MARK2: variants seen among roughly 807,000 people sequenced by gnomAD.
MARK2 encodes the protein microtubule affinity regulating kinase 2.
MARK2 carries 16 observed loss-of-function variants against 89.8 expected under a neutral mutation model. That is an observed-to-expected ratio of 0.18 (90% CI 0.12 to 0.27). The LOEUF (loss-of-function observed/expected upper bound fraction) is 0.27, where lower values mean the gene tolerates loss of function less well. Among genes scored for constraint, MARK2 ranks in the 10% least tolerant of loss-of-function variants. MARK2 has a pLI of 1.00. For synonymous variants in MARK2, 382 were observed against 399.5 expected (o/e 0.96, Z 0.52); for missense variants, 621 against 1,049.9 (o/e 0.59, Z 5.65).
chr11:63,861,374 G>T (rs1158124262), intron 1 of MARK2, among the ~76,000 whole-genome samples: 1 of 152,134 alleles, frequency 6.6e-6, no homozygotes, highest in Non-Finnish European at 1.5e-5. Context: ...GGTGGAGGTT[G>T]CAGTGAGCTG....
chr11:63,885,428 A>G (rs921390157), intron 1 of MARK2, among the ~76,000 whole-genome samples: 4 of 151,976 alleles, frequency 2.6e-5, no homozygotes, highest in Admixed American at 1.3e-4. Context: ...AGTTGCAGCT[A>G]TTCGGGAGGC....
Position 63,839,145 on chromosome 11 carries a change from C to T in MARK2, c.-362C>T, listed in dbSNP as rs934628827. 8 of 194,902 alleles carry T rather than the reference C, an allele frequency of 4.1e-5. No individual in the cohort carries two copies. The highest frequency in any genetic ancestry group is 7.2e-5 in the Non-Finnish European group (7 of 97,362). The allele number at this position is 194,902 out of a possible 1,614,324, so 12.1% of individuals were successfully genotyped here. ...GCGGCCATGTTGGGAGCAGCAGGTCCGGCGGCGGCTGCCTGTGTGCCGGGC... is the reference window on the plus strand; with the variant it reads ...GCGGCCATGTTGGGAGCAGCAGGTCTGGCGGCGGCTGCCTGTGTGCCGGGC... On this transcript the variant is annotated 5_prime_UTR_variant, in exon 1 of 19. Coordinates refer to ENST00000402010, the MANE Select transcript of MARK2 (RefSeq NM_001039469.3).
At position 63,849,251 on chromosome 11, in the gene MARK2, T is replaced by C. The variant is rs1449689162; in HGVS notation, c.54+9691T>C. 2.0e-5 allele frequency among the ~76,000 whole-genome samples: 3 copies of C among 152,190 alleles called. No homozygotes were observed. The South Asian group carries it at 6.2e-4, about 32-fold the overall frequency. On this transcript the variant is annotated intron_variant, in intron 1 of 18. Coordinates refer to ENST00000402010, the MANE Select transcript of MARK2 (RefSeq NM_001039469.3). The stretch of plus-strand genomic sequence containing the variant: ...TCATTGGCTATCTTTGCAAGTAGTA[T>C]TGAAGCCACTCGGAGATTGTTGCTT...
Position 63,903,486 on chromosome 11 carries a change from A to T in MARK2, c.1514+328A>T. On this transcript the variant is annotated intron_variant, in intron 14 of 18. Coordinates refer to ENST00000402010, the MANE Select transcript of MARK2 (RefSeq NM_001039469.3). This position sits in a 1 kb window ranked among gnomAD's most constrained non-coding sequence, Gnocchi z 5.1. ...GCTAAGGCCTTGTGTTGGGGGTCCC[A>T]GCTCAGGGCAGAACCAAGAGATGCC... 2.6e-6 allele frequency: 1 copy of T among 387,302 alleles called. No homozygotes were observed. Among genetic ancestry groups the T allele is most frequent in the Non-Finnish European group, 4.8e-6 (1 of 206,342 alleles). 24.0% of individuals were successfully genotyped at this position (387,302 alleles called of 1,614,324 possible). A position where few individuals can be genotyped will look rare whatever the true frequency, so the allele number is the denominator to read the frequency against.
Position 63,839,233 on chromosome 11 carries a change from A to G in MARK2, c.-274A>G, listed in dbSNP as rs2135179085. ...CAGGCGGCCGGCTGCGGCGGCAGAG[A>G]GTAGGCGGAGCGGCGCGGCCCGGCC... On this transcript the variant is annotated 5_prime_UTR_variant, in exon 1 of 19. Coordinates refer to ENST00000402010, the MANE Select transcript of MARK2 (RefSeq NM_001039469.3). 1 of 236,916 alleles carries G rather than the reference A, an allele frequency of 4.2e-6. No individual in the cohort carries two copies. Among genetic ancestry groups the G allele is most frequent in the East Asian group, 9.9e-5 (1 of 10,098 alleles). The allele number at this position is 236,916 out of a possible 1,614,324, so 14.7% of individuals were successfully genotyped here.
At chr11:63,873,539 G>A (rs1449837711) in intron 1 of MARK2, among the ~76,000 whole-genome samples, 1 of 152,150 alleles carries the variant, frequency 6.6e-6, no homozygotes, top group Non-Finnish European at 1.5e-5. Context: ...ACAGCCAGCT[G>A]TGGGAAAACC....
At chr11:63,872,058 G>A (rs938865714) in intron 1 of MARK2, among the ~76,000 whole-genome samples, 1 of 152,226 alleles carries the variant, frequency 6.6e-6, no homozygotes, top group Non-Finnish European at 1.5e-5. Context: ...GCCACCGGAG[G>A]TTCTGCAGGC....
chr11:63,845,730 G>C (rs1040419695), intron 1 of MARK2, among the ~76,000 whole-genome samples: 1 of 152,156 alleles, frequency 6.6e-6, no homozygotes, highest in South Asian at 2.1e-4. Context: ...GTCATTGCTC[G>C]TCTTTTTTTT....
Position 63,900,648 on chromosome 11 carries a change from T to A in MARK2, c.858T>A (p.Ile286=). 1 of 1,614,170 alleles carries A rather than the reference T, an allele frequency of 6.2e-7. No individual in the cohort carries two copies. The highest frequency in any genetic ancestry group is 8.5e-7 in the Non-Finnish European group (1 of 1,180,036). ...DCENLLKKFL[I]LNPSKRGTLE... is the part of the protein sequence containing the mutation. ...AAAACCTGCTTAAGAAATTTCTCAT[T>A]CTTAATCCCAGCAAGAGAGGCACTT... Residue 286 remains isoleucine (I), a synonymous_variant, in exon 9 of 19, where the codon ATT becomes ATA. Transcript: ENST00000402010. This position sits in a 1 kb window ranked among gnomAD's most constrained non-coding sequence, Gnocchi z 4.7.
At chr11:63,897,610 T>C (rs1045130781) in intron 3 of MARK2, among the ~76,000 whole-genome samples, 5 of 152,234 alleles carry the variant, frequency 3.3e-5, no homozygotes, top group African/African-American at 9.6e-5. Context: ...CTGTCATCTT[T>C]CTTTATGGAA....
intron 1 of MARK2, among the ~76,000 whole-genome samples, chr11:63,859,388 C>T (rs1937621465): frequency 6.6e-6 from 1 of 151,424 alleles, no homozygotes. Context: ...GGCACGATCT[C>T]GGCCCACGGC....
chr11:63,899,791 C>A, intron 7 of MARK2, 83 bp from the exon 8 acceptor site: 1 of 864,280 alleles, frequency 1.2e-6, no homozygotes, highest in Non-Finnish European at 1.9e-6. Flanking sequence ...TCCGTTTGTT[C>A]TCCCATTCCC....
chr11:63,847,695 C>A (rs2016352525), intron 1 of MARK2, among the ~76,000 whole-genome samples: 1 of 152,214 alleles, frequency 6.6e-6, no homozygotes, highest in South Asian at 2.1e-4. Context: ...AGGGAGGAGG[C>A]TTTCTCTCCA....
Position 63,904,730 on chromosome 11 carries a change from TG to T in MARK2, c.1677-55del, listed in dbSNP as rs1314835593. On this transcript the variant is annotated intron_variant, in intron 15 of 18. Transcript: ENST00000402010. The surrounding 1 kb of genome is among the most constrained non-coding windows in gnomAD (Gnocchi z 6.3). ...CACCACAGGGTGTCCAGGTGCCCAG[TG>T]ATGGCTGTCCTGTACCCTAATTCGT... 18 of 1,558,912 alleles carry T rather than the reference TG, an allele frequency of 1.2e-5. No homozygotes were observed. The highest frequency in any genetic ancestry group is 1.7e-5 in the Admixed American group (1 of 59,276).
Position 63,908,887 on chromosome 11 carries a change from G to C in MARK2, c.2017G>C (p.Val673Leu), listed in dbSNP as rs764373750. The C allele has an allele frequency of 1.3e-6, 2 of 1,507,040 alleles. No individual in the cohort carries two copies. The highest frequency in any genetic ancestry group is 1.8e-6 in the Non-Finnish European group (2 of 1,122,448). 93.4% of individuals were successfully genotyped at this position (1,507,040 alleles called of 1,614,324 possible). A position where few individuals can be genotyped will look rare whatever the true frequency, so the allele number is the denominator to read the frequency against. The change falls in exon 19 of 19, where the codon GTG becomes CTG. Residue 673 changes from valine to leucine, a missense_variant. Physicochemically the swap from Val to Leu is conservative, Grantham distance 32 (BLOSUM62 1). Transcript: ENST00000402010. ...CTGCCCTCTCCACAGACCTCACGTG[G>C]TGGGCAGTGGCGGCAACGACAAAGA... The part of the protein sequence containing the change: ...DRVETLRPHV[V>L]GSGGNDKEKE...
chr11:63,888,966 T>A (rs1590639944), intron 1 of MARK2: 1 of 1,351,294 alleles, frequency 7.4e-7, no homozygotes, highest in Non-Finnish European at 9.8e-7. Flanking sequence ...TCCAGTCGGG[T>A]ATGTTGTCCC....
intron 18 of MARK2, 44 bp downstream of exon 18, chr11:63,908,348 G>C (rs1350842920): frequency 1.3e-6 from 2 of 1,487,954 alleles, no homozygotes; most frequent in Admixed American, 3.9e-5. Flanking sequence ...GGGCCACCGG[G>C]CTTGCCACAG....
intron 1 of MARK2, among the ~76,000 whole-genome samples, chr11:63,870,043 A>T (rs1004515977): frequency 6.6e-6 from 1 of 152,212 alleles, no homozygotes; most frequent in African/African-American, 2.4e-5. Flanking sequence ...AATGGATCTT[A>T]TGCCCTTGGC....
chr11:63,905,380 T>C (rs955955572), intron 16 of MARK2, among the ~76,000 whole-genome samples: 2 of 152,176 alleles, frequency 1.3e-5, no homozygotes, highest in South Asian at 2.1e-4. Flanking sequence ...TGGAAACTTA[T>C]ATTTGGTGAC....
Sources: allele counts gnomAD v4.1 joint callset (sites outside exome capture counted in the v4.1 genomes callset), GRCh38; gene constraint gnomAD v4.1.1; non-coding constraint Gnocchi (gnomAD v3.1); transcripts MANE v1.5; gene names NCBI Gene and HGNC (gene_info 2026-07-23, HGNC 2026-07-21).